The following ARK2C variants were observed in gnomAD, a reference collection of about 807,000 sequenced individuals.
ARK2C encodes the protein arkadia (RNF111) C-terminal like ring finger ubiquitin ligase 2C.
chr18:46,404,231 G>T, the ARK2C span, among the ~76,000 whole-genome samples: 1 of 152,120 alleles, frequency 6.6e-6, no homozygotes, highest in Non-Finnish European at 1.5e-5. Flanking sequence ...TTCTTTCCTG[G>T]TGCTACGTTA....
At chr18:46,461,034 G>A in the ARK2C span, 1 of 152,184 alleles carries the variant, frequency 6.6e-6, no homozygotes, top group South Asian at 2.1e-4. Flanking sequence ...AGAGGCCACT[G>A]TCTCCACCTG....
the ARK2C span, among the ~76,000 whole-genome samples, chr18:46,441,925 G>A: frequency 3.3e-5 from 5 of 150,064 alleles, no homozygotes; most frequent in East Asian, 2.0e-4. Context: ...AGCACTTTGG[G>A]AGGCCGAGAC....
At chr18:46,433,555 G>T in the ARK2C span, 2 of 1,502,292 alleles carry the variant, frequency 1.3e-6, no homozygotes, top group Non-Finnish European at 1.8e-6. Context: ...GTCGGGTGAG[G>T]GGGCAGGGCC....
chr18:46,428,407 CAAAACAAAAAGA>C, the ARK2C span, among the ~76,000 whole-genome samples: 1 of 151,954 alleles, frequency 6.6e-6, no homozygotes, highest in African/African-American at 2.4e-5. Context: ...GACTCCATCT[CAAAACAAAAAGA>C]AAAACAAAAA....
At chr18:46,361,078 G>A in the ARK2C span, among the ~76,000 whole-genome samples, 2 of 152,232 alleles carry the variant, frequency 1.3e-5, no homozygotes, top group African/African-American at 4.8e-5. Flanking sequence ...CCAAGATCAC[G>A]CTGCTAACTG....
chr18:46,390,344 G>T, the ARK2C span, among the ~76,000 whole-genome samples: 1 of 152,212 alleles, frequency 6.6e-6, no homozygotes. Flanking sequence ...CTGGGTGTTG[G>T]TGCAGGAATG....
At chr18:46,340,371 C>G in the ARK2C span, among the ~76,000 whole-genome samples, 1 of 152,190 alleles carries the variant, frequency 6.6e-6, no homozygotes, top group Non-Finnish European at 1.5e-5. Flanking sequence ...TTTAGTTGTT[C>G]ATTCATTCAC....
At chr18:46,462,285 T>G in the ARK2C span, 1 of 153,498 alleles carries the variant, frequency 6.5e-6, no homozygotes, top group East Asian at 1.9e-4. Flanking sequence ...AGTAGCCCCC[T>G]GAGCCGGCTG....
chr18:46,423,524 C>T, the ARK2C span, among the ~76,000 whole-genome samples: 22 of 152,302 alleles, frequency 1.4e-4, no homozygotes, highest in East Asian at 7.7e-4. Context: ...TATTTCCATT[C>T]GGCAAGCCAC....
the ARK2C span, among the ~76,000 whole-genome samples, chr18:46,370,965 G>A: frequency 2.6e-5 from 4 of 152,174 alleles, no homozygotes; most frequent in Admixed American, 6.5e-5. Context: ...AAAGACGTAC[G>A]CGACACTGGG....
At chr18:46,339,468 T>G in the ARK2C span, among the ~76,000 whole-genome samples, 1 of 152,248 alleles carries the variant, frequency 6.6e-6, no homozygotes, top group African/African-American at 2.4e-5. Context: ...CCAGATTGTC[T>G]GAACTAAACA....
At chr18:46,422,517 C>T in the ARK2C span, among the ~76,000 whole-genome samples, 1 of 152,252 alleles carries the variant, frequency 6.6e-6, no homozygotes, top group African/African-American at 2.4e-5. Flanking sequence ...CTCTGGACTA[C>T]ATCTCCCTCC....
the ARK2C span, among the ~76,000 whole-genome samples, chr18:46,405,753 T>C: frequency 2.7e-3 from 408 of 152,168 alleles, 1 homozygote; most frequent in African/African-American, 9.7e-3. Flanking sequence ...GAATATGATG[T>C]CTATGTGAGC....
the ARK2C span, among the ~76,000 whole-genome samples, chr18:46,440,671 C>A: frequency 6.6e-6 from 1 of 152,110 alleles, no homozygotes; most frequent in Non-Finnish European, 1.5e-5. Context: ...TTACTATAAT[C>A]AAATATCTAG....
At chr18:46,441,805 G>A in the ARK2C span, among the ~76,000 whole-genome samples, 2 of 148,560 alleles carry the variant, frequency 1.3e-5, no homozygotes, top group Non-Finnish European at 3.0e-5. Flanking sequence ...GGAGAATGGC[G>A]TGAACCGGGA....
At chr18:46,414,012 T>TG in the ARK2C span, among the ~76,000 whole-genome samples, 1 of 152,266 alleles carries the variant, frequency 6.6e-6, no homozygotes, top group East Asian at 1.9e-4. Context: ...TTTGCTATAA[T>TG]GTCCTTAATA....
the ARK2C span, among the ~76,000 whole-genome samples, chr18:46,357,696 C>T: frequency 6.6e-6 from 1 of 152,216 alleles, no homozygotes; most frequent in Admixed American, 6.5e-5. Flanking sequence ...GAGTCACCCT[C>T]CAGTTAGGGA....
the ARK2C span, among the ~76,000 whole-genome samples, chr18:46,397,275 T>C: frequency 6.6e-6 from 1 of 152,172 alleles, no homozygotes; most frequent in African/African-American, 2.4e-5. Flanking sequence ...GAAGTGAGAT[T>C]CCTTCCAGAT....
chr18:46,450,380 G>A, the ARK2C span: 23 of 1,612,544 alleles, frequency 1.4e-5, no homozygotes, highest in East Asian at 1.3e-4. Context: ...ACACACCTCC[G>A]CCGTACGGGA....
Sources: allele counts gnomAD v4.1 joint callset (sites outside exome capture counted in the v4.1 genomes callset), GRCh38; gene constraint gnomAD v4.1.1; transcripts MANE v1.5; gene names NCBI Gene and HGNC (gene_info 2026-07-23, HGNC 2026-07-21).